TENM1: variants seen among roughly 807,000 people sequenced by gnomAD.
TENM1 encodes teneurin transmembrane protein 1, also known as teneurin-1.
TENM1 carries 35 observed loss-of-function variants against 174.8 expected under a neutral mutation model. The ratio of observed to expected loss-of-function variants is 0.20; its 90% CI spans 0.15 to 0.27. The LOEUF (loss-of-function observed/expected upper bound fraction) is 0.27. Among genes scored for constraint, TENM1 ranks in the 10% least tolerant of loss-of-function variants. The pLI is 1.00. For synonymous variants in TENM1, 781 were observed against 798.7 expected, an observed-to-expected ratio of 0.98 and a Z score of 0.37; for missense variants, 1,633 against 2,130.1, an observed-to-expected ratio of 0.77 and a Z score of 4.59.
At chrX:124,567,129 C>A (rs2048959155) in intron 11 of TENM1, among the ~76,000 whole-genome samples, 1 of 111,344 alleles carries the variant, frequency 9.0e-6, no homozygotes, top group Non-Finnish European at 1.9e-5. Context: ...GGTGGAAGAT[C>A]AAAAAGATTA....
At chrX:124,922,152 C>T (rs2058032210) in intron 1 of TENM1, among the ~76,000 whole-genome samples, 1 of 111,032 alleles carries the variant, frequency 9.0e-6, no homozygotes, top group African/African-American at 3.3e-5. Context: ...TTTCTCTGAC[C>T]CAAGTGGATG....
chrX:125,175,054 G>A, the TENM1 span, among the ~76,000 whole-genome samples: 5 of 111,482 alleles, frequency 4.5e-5, no homozygotes, highest in Non-Finnish European at 7.6e-5. Context: ...GCACACACAA[G>A]TCAATGAGCA....
rs2060154329 is a variant in TENM1 at position 124,381,308 on chromosome X, G to C, written c.7441-14C>G. The C allele has an allele frequency of 8.5e-7, 1 of 1,178,167 alleles. No homozygotes were observed. Among genetic ancestry groups the C allele is most frequent in the African/African-American group, 1.8e-5 (1 of 56,660 alleles). On this transcript the variant is annotated splice_polypyrimidine_tract_variant and intron_variant, in intron 31 of 31. Transcript: ENST00000422452. The stretch of plus-strand genomic sequence containing the variant: ...GCCCAGGATAGTCTAGGAAAGAGAG[G>C]CACAGAGCAGATGCAGCATGGAGTT...
chrX:124,996,114 T>C, the TENM1 span, among the ~76,000 whole-genome samples: 1 of 111,674 alleles, frequency 9.0e-6, no homozygotes, highest in East Asian at 2.8e-4. Context: ...AGTGGACTTT[T>C]AATAGTGAAA....
chrX:125,137,843 G>A, the TENM1 span, among the ~76,000 whole-genome samples: 2 of 111,186 alleles, frequency 1.8e-5, no homozygotes, highest in East Asian at 5.6e-4. Context: ...TATATTACTT[G>A]ATGCCATATT....
At chrX:125,204,293 G>GGCCGCC in the TENM1 span, 2 of 112,138 alleles carry the variant, frequency 1.8e-5, no homozygotes, top group Admixed American at 1.9e-4. Flanking sequence ...ATGTTGCCGT[G>GGCCGCC]GCCGCCGCCG....
intron 3 of TENM1, among the ~76,000 whole-genome samples, chrX:124,846,504 G>C (rs983431525): frequency 9.0e-6 from 1 of 110,833 alleles, no homozygotes; most frequent in Admixed American, 9.6e-5. Flanking sequence ...ATTTTGTTTT[G>C]TTTTAAGTTG....
At chrX:124,587,566 G>A (rs1240522217) in intron 11 of TENM1, among the ~76,000 whole-genome samples, 1,187 of 111,175 alleles carry the variant, frequency 0.011, 18 homozygotes, top group African/African-American at 0.036. Context: ...TTAAACGTTA[G>A]ACCTAAAACC....
At chrX:125,097,507 C>G in the TENM1 span, among the ~76,000 whole-genome samples, 10 of 112,022 alleles carry the variant, frequency 8.9e-5, no homozygotes, top group African/African-American at 3.2e-4. Flanking sequence ...CAACACAAAG[C>G]ATTTTAGTAC....
the TENM1 span, among the ~76,000 whole-genome samples, chrX:125,009,433 G>A: frequency 9.0e-6 from 1 of 111,051 alleles, no homozygotes; most frequent in African/African-American, 3.3e-5. Context: ...ATGGATTCAC[G>A]GCCAAGTTCT....
At chrX:124,967,090 T>G (rs2058736429), upstream of TENM1, among the ~76,000 whole-genome samples, 1 of 112,010 alleles carries the variant, frequency 8.9e-6, no homozygotes, top group Non-Finnish European at 1.9e-5. Flanking sequence ...GTTTGAGCAC[T>G]AAAGATGAAG....
the TENM1 span, among the ~76,000 whole-genome samples, chrX:125,202,926 T>G: frequency 1.8e-5 from 2 of 111,454 alleles, no homozygotes; most frequent in Non-Finnish European, 3.8e-5. Context: ...GCCTAGCGGG[T>G]GCTTGGCGCT....
At chrX:125,058,081 T>C in the TENM1 span, among the ~76,000 whole-genome samples, 1 of 112,005 alleles carries the variant, frequency 8.9e-6, no homozygotes, top group South Asian at 3.7e-4. Context: ...GAAAAAGTGG[T>C]GAATCTTGGC....
intron 28 of TENM1, among the ~76,000 whole-genome samples, chrX:124,390,620 T>C (rs1295326797): frequency 8.9e-6 from 1 of 112,459 alleles, no homozygotes; most frequent in African/African-American, 3.2e-5. Context: ...TGTGGAAAGA[T>C]TGGTGCAAAC....
intron 3 of TENM1, among the ~76,000 whole-genome samples, chrX:124,800,221 C>A (rs748971649): frequency 1.8e-5 from 2 of 111,689 alleles, no homozygotes; most frequent in African/African-American, 6.5e-5. Flanking sequence ...GGCTGTAAAT[C>A]TGTCTGGTCC....
At chrX:124,755,525 G>C (rs1346504556) in intron 3 of TENM1, among the ~76,000 whole-genome samples, 3 of 110,898 alleles carry the variant, frequency 2.7e-5, no homozygotes, top group African/African-American at 9.9e-5. Context: ...ATTTGATCCT[G>C]TCATTATGAT....
At chrX:124,708,328 T>A (rs1439189301) in intron 4 of TENM1, among the ~76,000 whole-genome samples, 1 of 111,652 alleles carries the variant, frequency 9.0e-6, no homozygotes, top group East Asian at 2.8e-4. Flanking sequence ...AGGTTAAAAA[T>A]TTTTTAAAGG....
chrX:124,758,235 T>C (rs752632949), intron 3 of TENM1, among the ~76,000 whole-genome samples: 50 of 111,908 alleles, frequency 4.5e-4, no homozygotes, highest in Non-Finnish European at 7.9e-4. Context: ...AGGACTTGAA[T>C]AGATATCTTT....
rs887986957 is a variant in TENM1, at chrX:124,820,217, G to A, written c.535+74079C>T. On this transcript the variant is annotated intron_variant, in intron 3 of 31. Transcript: ENST00000422452. The stretch of plus-strand genomic sequence containing the variant: ...TTCCCGGTCTCAGACAACCCATTTT[G>A]CTTCCTTACTGGCTTTTACTTACAC... Among the ~76,000 whole-genome samples the A allele has an allele frequency of 9.0e-5, 10 of 111,295 alleles. No individual in the cohort carries two copies. The Admixed American group carries it at 9.6e-4, about 11-fold the overall frequency.
Sources: allele counts gnomAD v4.1 joint callset (sites outside exome capture counted in the v4.1 genomes callset), GRCh38; gene constraint gnomAD v4.1.1; transcripts MANE v1.5; gene names NCBI Gene and HGNC (gene_info 2026-07-23, HGNC 2026-07-21).